The following PHC2 variants were observed in gnomAD, a reference collection of about 807,000 sequenced individuals.
PHC2 encodes polyhomeotic-like protein 2.
In PHC2, 29 loss-of-function variants were observed where a neutral mutation model predicts 87.4. That is an observed-to-expected ratio of 0.33 (90% confidence interval 0.25 to 0.45). The LOEUF (loss-of-function observed/expected upper bound fraction) is 0.45, where lower values mean the gene tolerates loss of function less well. Among genes scored for constraint, PHC2 ranks in the 20% least tolerant of loss-of-function variants. The pLI is 1.00. For missense variants in PHC2, 857 were observed against 1,136.7 expected, an observed-to-expected ratio of 0.75 and a Z score of 3.54; for synonymous variants, 438 against 461.7, an observed-to-expected ratio of 0.95 and a Z score of 0.66.
At chr1:33,410,478 C>T (rs1462610237) in intron 1 of PHC2, among the ~76,000 whole-genome samples, 1 of 152,196 alleles carries the variant, frequency 6.6e-6, no homozygotes, top group East Asian at 1.9e-4. Context: ...AGCACCTAAT[C>T]GGGTTTGACC....
At chr1:33,350,769 T>C (rs1208635968) in intron 9 of PHC2, among the ~76,000 whole-genome samples, 1 of 152,196 alleles carries the variant, frequency 6.6e-6, no homozygotes, top group Admixed American at 6.5e-5. Context: ...ACATTTATTT[T>C]ACATTCCCCG....
At chr1:33,345,923 C>G in intron 9 of PHC2, 1 of 984,930 alleles carries the variant, frequency 1.0e-6, no homozygotes, top group Non-Finnish European at 1.2e-6. Flanking sequence ...GTGAAGCCTA[C>G]CTCTGTTTGA....
chr1:33,382,418 T>A lies in PHC2; in HGVS notation c.-54-6825A>T, dbSNP rs1004504641. ...TCTACCCACCCCTTTTCAATTTCCT[T>A]TTAATTCCTACTCTTATTCTTTCCT... is the stretch of plus-strand genomic sequence containing the variant. On this transcript the variant is annotated intron_variant, in intron 1 of 14. Transcript: ENST00000683057. The surrounding 1 kb of genome is among the most constrained non-coding windows in gnomAD (Gnocchi z 4.3). Among the ~76,000 whole-genome samples, 1 of 152,116 alleles carries A rather than the reference T, an allele frequency of 6.6e-6. No homozygotes were observed. The highest frequency in any genetic ancestry group is 1.5e-5 in the Non-Finnish European group (1 of 68,016).
chr1:33,346,689 G>A lies in PHC2; in HGVS notation c.1558+7712C>T, dbSNP rs112655152. The A allele has an allele frequency of 1.5e-4, 148 of 985,352 alleles. No homozygotes were observed. In the African/African-American group the frequency reaches 2.4e-3, roughly 16 times the overall value. The allele number at this position is 985,352 out of a possible 1,614,324, so 61.0% of individuals were successfully genotyped here. A position where few individuals can be genotyped will look rare whatever the true frequency, so the allele number is the denominator to read the frequency against. ...ACTTTATTTTGGCTTGCTGATCCAT[G>A]CTGGATGAAAGTGAGGAGGTGGGGG... On this transcript the variant is annotated intron_variant, in intron 9 of 14. Coordinates refer to ENST00000683057, the MANE Select transcript of PHC2 (RefSeq NM_001385109.1).
intron 1 of PHC2, among the ~76,000 whole-genome samples, chr1:33,390,804 A>C (rs1276651334): frequency 6.6e-6 from 1 of 152,142 alleles, no homozygotes; most frequent in African/African-American, 2.4e-5. Context: ...CATTAAAAAA[A>C]TGTAAATACT....
chr1:33,376,236 T>C (rs1333356161), intron 1 of PHC2, among the ~76,000 whole-genome samples: 1 of 152,196 alleles, frequency 6.6e-6, no homozygotes, highest in Non-Finnish European at 1.5e-5. Context: ...GGTTTCGCCA[T>C]GTTGGCCAGG....
At chr1:33,415,703 T>C (rs998319860) in intron 1 of PHC2, among the ~76,000 whole-genome samples, 6 of 152,124 alleles carry the variant, frequency 3.9e-5, no homozygotes, top group Middle Eastern at 3.2e-3. Context: ...AGAAATGACA[T>C]GGATGAAAGA....
intron 1 of PHC2, among the ~76,000 whole-genome samples, chr1:33,408,211 G>A (rs1223242948): frequency 2.6e-5 from 4 of 152,322 alleles, no homozygotes; most frequent in African/African-American, 9.6e-5. Flanking sequence ...AAGCTGGAGA[G>A]GGAGTGAATC....
chr1:33,413,531 C>A (rs1337172921), intron 1 of PHC2, among the ~76,000 whole-genome samples: 1 of 152,196 alleles, frequency 6.6e-6, no homozygotes, highest in Non-Finnish European at 1.5e-5. Context: ...TCAGGCCCAG[C>A]TAGTAAACAG....
intron 1 of PHC2, among the ~76,000 whole-genome samples, chr1:33,381,995 C>G (rs1158532770): frequency 6.6e-6 from 1 of 152,030 alleles, no homozygotes; most frequent in Non-Finnish European, 1.5e-5. Flanking sequence ...AGGAAACCTC[C>G]TGCCCGCATG....
intron 9 of PHC2, chr1:33,335,234 C>T: frequency 1.0e-6 from 1 of 985,456 alleles, no homozygotes; most frequent in Non-Finnish European, 1.2e-6. Flanking sequence ...TGAGCTGTCT[C>T]ATTGTCTTAG....
intron 2 of PHC2, 98 bp downstream of exon 2, chr1:33,375,268 C>T: frequency 1.0e-6 from 1 of 994,778 alleles, no homozygotes; most frequent in Admixed American, 2.8e-5. Flanking sequence ...TTCTAGAGTC[C>T]ACATCTAGAT....
chr1:33,355,201 G>A lies in PHC2; in HGVS notation c.1029C>T (p.His343=), dbSNP rs1647048514. Residue 343 remains histidine, a synonymous_variant, in exon 8 of 15, where the codon CAC becomes CAT. Coordinates refer to ENST00000683057, the MANE Select transcript of PHC2 (RefSeq NM_001385109.1). ...HQLLPQPSSK[H]LQPQFVIQQQ... Reference sequence around the variant, plus strand: ...GCTGGATCACAAATTGGGGCTGCAGGTGCTTTGAGGATGGCTGTGGGAGGA... The same window carrying A: ...GCTGGATCACAAATTGGGGCTGCAGATGCTTTGAGGATGGCTGTGGGAGGA... 5.6e-6 allele frequency: 9 copies of A among 1,603,684 alleles called. No individual in the cohort carries two copies. The highest frequency in any genetic ancestry group is 1.7e-5 in the Admixed American group (1 of 59,636).
At chr1:33,357,033 T>C (rs181225339) in intron 7 of PHC2, among the ~76,000 whole-genome samples, 7 of 152,328 alleles carry the variant, frequency 4.6e-5, no homozygotes, top group East Asian at 1.9e-4. Context: ...AGCTCAGAGA[T>C]TGTCTTTGCA....
In PHC2 at chr1:33,349,153, C is replaced by T. The variant is rs1646904902; in HGVS notation, c.1558+5248G>A. ...CCATCCAATTAAAAACCTCGTGAGA[C>T]TGAACTAGATTAAAAACAAAACTCT... On this transcript the variant is annotated intron_variant, in intron 9 of 14. Transcript: ENST00000683057. The surrounding 1 kb of genome is among the most constrained non-coding windows in gnomAD (Gnocchi z 4.2). 3.0e-6 allele frequency: 3 copies of T among 985,442 alleles called. No homozygotes were observed. In the South Asian group the frequency reaches 1.4e-4, roughly 46 times the overall value. The allele number at this position is 985,442 out of a possible 1,614,324, so 61.0% of individuals were successfully genotyped here.
At chr1:33,354,320 G>A in intron 9 of PHC2, 81 bp downstream of exon 9, 1 of 1,334,390 alleles carries the variant, frequency 7.5e-7, no homozygotes, top group Non-Finnish European at 1.0e-6. Context: ...TCCCATTCCA[G>A]ATGCCCAAGT....
At chr1:33,375,290 ACCATG>A in intron 2 of PHC2, 71 bp downstream of exon 2, 1 of 1,245,818 alleles carries the variant, frequency 8.0e-7, no homozygotes, top group South Asian at 1.7e-5. Context: ...ATCCCACCAG[ACCATG>A]CCAACACCTC....
chr1:33,408,445 G>GT (rs769069449), intron 1 of PHC2, among the ~76,000 whole-genome samples: 3 of 69,072 alleles, frequency 4.3e-5, no homozygotes, highest in African/African-American at 9.9e-5. Flanking sequence ...GTTTTTAGTA[G>GT]TTTTTTTGTT....
intron 3 of PHC2, 48 bp from the exon 4 acceptor site, chr1:33,371,142 T>G: frequency 6.8e-7 from 1 of 1,463,032 alleles, no homozygotes; most frequent in Non-Finnish European, 9.6e-7. Flanking sequence ...CCTCCCCCAG[T>G]CACTCCTGGG....
Sources: gnomAD v4.1 joint callset for allele counts (sites outside exome capture counted in the v4.1 genomes callset) on GRCh38, gnomAD v4.1.1 for gene constraint, Gnocchi (gnomAD v3.1) non-coding constraint, MANE v1.5 for transcripts, NCBI Gene and HGNC (gene_info 2026-07-23, HGNC 2026-07-21) for gene names.